Variants in CEP104 observed in about 807,000 individuals in gnomAD.
CEP104 encodes the protein centrosomal protein 104.
A neutral mutation model predicts 113.3 loss-of-function variants in CEP104; 84 were observed. The observed-to-expected ratio is 0.74, with a 90% CI of 0.62 to 0.89. The LOEUF (loss-of-function observed/expected upper bound fraction) is 0.89. Ranked by LOEUF, CEP104 falls within the 40% of genes least tolerant of loss-of-function variation. The pLI, the probability that CEP104 is intolerant of heterozygous loss-of-function variation, is 0.00. For missense variants in CEP104, 1,053 were observed against 1,156.6 expected (o/e 0.91, Z 1.30); for synonymous variants, 378 against 421.7 (o/e 0.90, Z 1.27).
chr1:3,822,287 T>C (rs1328742434), intron 20 of CEP104, among the ~76,000 whole-genome samples: 1 of 152,096 alleles, frequency 6.6e-6, no homozygotes, highest in African/African-American at 2.4e-5. Context: ...GATAACTGGG[T>C]AGACACCAGC....
rs890146163 is a variant in CEP104, at chr1:3,815,263, G to C, written c.*139C>G. Reference sequence around the variant, plus strand: ...GCACGAGAGCTGACGGCACAGACGCGTAAGAGGCGTGCACGGCGGGGAGCT... The same window carrying C: ...GCACGAGAGCTGACGGCACAGACGCCTAAGAGGCGTGCACGGCGGGGAGCT... On this transcript the variant is annotated 3_prime_UTR_variant, in exon 22 of 22. Transcript: ENST00000378230. 1.5e-6 allele frequency: 1 copy of C among 649,824 alleles called. No homozygotes were observed. The highest frequency in any genetic ancestry group is 1.8e-5 in the South Asian group (1 of 55,868). 40.3% of individuals were successfully genotyped at this position (649,824 alleles called of 1,614,324 possible).
intron 1 of CEP104, among the ~76,000 whole-genome samples, chr1:3,856,416 A>C (rs1644730506): frequency 6.6e-6 from 1 of 152,260 alleles, no homozygotes; most frequent in Admixed American, 6.5e-5. Flanking sequence ...CATCTTAGCG[A>C]CTGAAAGGGC....
intron 1 of CEP104, among the ~76,000 whole-genome samples, chr1:3,854,764 C>T (rs927979712): frequency 2.6e-5 from 4 of 151,608 alleles, no homozygotes; most frequent in African/African-American, 9.7e-5. Context: ...CAGGCATAAG[C>T]CACCATGCCA....
At chr1:3,842,105 G>A (rs1048084805) in intron 6 of CEP104, among the ~76,000 whole-genome samples, 6 of 152,154 alleles carry the variant, frequency 3.9e-5, no homozygotes, top group African/African-American at 1.4e-4. Flanking sequence ...TTTATTTTTT[G>A]AGACGGAGTC....
intron 20 of CEP104, among the ~76,000 whole-genome samples, chr1:3,820,134 C>T (rs1643942621): frequency 6.6e-6 from 1 of 152,118 alleles, no homozygotes; most frequent in Admixed American, 6.5e-5. Flanking sequence ...AAGCAGATGA[C>T]ACATGAGATA....
chr1:3,816,669 G>A (rs767190377), intron 20 of CEP104, among the ~76,000 whole-genome samples: 4 of 152,240 alleles, frequency 2.6e-5, no homozygotes, highest in African/African-American at 4.8e-5. Flanking sequence ...ACAGCAGAGC[G>A]TGCACGCAAA....
chr1:3,842,824 G>T (rs1413860952), intron 6 of CEP104, among the ~76,000 whole-genome samples: 1 of 152,060 alleles, frequency 6.6e-6, no homozygotes, highest in Non-Finnish European at 1.5e-5. Flanking sequence ...GTCTTGCTCT[G>T]TCCCCCAGAC....
chr1:3,820,087 T>G (rs1017639782), intron 20 of CEP104, among the ~76,000 whole-genome samples: 9 of 151,874 alleles, frequency 5.9e-5, no homozygotes, highest in African/African-American at 1.9e-4. Context: ...GGGTGTGTGG[T>G]GATGTGTAAG....
At chr1:3,832,401 GGAGTGTAGCGTAGGTCCTGACC>G (rs2124662655) in intron 12 of CEP104, among the ~76,000 whole-genome samples, 2 of 68,060 alleles carry the variant, frequency 2.9e-5, no homozygotes, top group South Asian at 7.7e-4. Context: ...GTCGTGACCA[GGAGTGTAGCGTAGGTCCTGACC>G]AGGAGTGTAG....
intron 13 of CEP104, among the ~76,000 whole-genome samples, chr1:3,830,294 G>A (rs925781144): frequency 6.6e-6 from 1 of 152,028 alleles, no homozygotes; most frequent in Non-Finnish European, 1.5e-5. Flanking sequence ...CCTTGGAGGT[G>A]TGCGCTCCTG....
At position 3,831,204 on chromosome 1, in the gene CEP104, C is replaced by A; in HGVS notation, c.1678G>T (p.Glu560Ter). 6.2e-7 allele frequency: 1 copy of A among 1,613,186 alleles called. No homozygotes were observed. Among genetic ancestry groups the A allele is most frequent in the Non-Finnish European group, 8.5e-7 (1 of 1,179,400 alleles). ...GGAATAATTTGGAGAGACTTAACTTCTTTAAACAAGGCCATTTCCTATGAA... is the reference window on the plus strand; with the variant it reads ...GGAATAATTTGGAGAGACTTAACTTATTTAAACAAGGCCATTTCCTATGAA... ...NFIQEMALFK[E>*]VKSLQIIPSY... Residue 560 changes from glutamate to a stop codon, truncating the protein, a stop_gained, in exon 13 of 22, where the codon GAA becomes TAA. Coordinates refer to ENST00000378230, the MANE Select transcript of CEP104 (RefSeq NM_014704.4). LOFTEE classifies it high-confidence loss of function.
rs142962067 is a variant in CEP104, at chr1:3,852,191, G to A, written c.113+104C>T. On this transcript the variant is annotated intron_variant, in intron 2 of 21. Transcript: ENST00000378230. ...GCTGACATCCTTGGTCCTGATGTCC[G>A]AGTGATAGTAAAATCTGAGGCTCTG... 1,515 of 1,104,756 alleles carry A rather than the reference G, an allele frequency of 1.4e-3. 19 individuals are homozygous for A. In the African/African-American group the frequency reaches 0.022, roughly 16 times the overall value. 68.4% of individuals were successfully genotyped at this position (1,104,756 alleles called of 1,614,324 possible).
Position 3,837,402 on chromosome 1 carries a change from CA to C in CEP104, c.1008del (p.Phe336LeufsTer15). The part of the protein sequence containing the change: ...QLEERGTENQ[F>X]AEPFLQEKPS... ...GGCTTTTCCTGAAGGAAAGGTTCTG[CA>C]AACTGGTTTTCTGTTCCTCTTTCTT... On this transcript the variant is annotated frameshift_variant, in exon 9 of 22. Coordinates refer to ENST00000378230, the MANE Select transcript of CEP104 (RefSeq NM_014704.4). LOFTEE classifies it high-confidence loss of function. 1 of 1,614,178 alleles carries C rather than the reference CA, an allele frequency of 6.2e-7. No homozygotes were observed. Among genetic ancestry groups the C allele is most frequent in the Non-Finnish European group, 8.5e-7 (1 of 1,180,022 alleles).
chr1:3,837,339 C>A lies in CEP104; in HGVS notation c.1072G>T (p.Ala358Ser). Reference protein sequence around the residue: ...YSLTISPQHSAVDPLLPATDP... With the variant: ...YSLTISPQHSSVDPLLPATDP... ...GTGGCAGGGAGTAACGGGTCTACTGCAGAATGCTGAGGAGAAATAGTTAGA... is the reference window on the plus strand; with the variant it reads ...GTGGCAGGGAGTAACGGGTCTACTGAAGAATGCTGAGGAGAAATAGTTAGA... The change falls in exon 9 of 22, where the codon GCA becomes TCA. Residue 358 changes from alanine to serine, a missense_variant. Physicochemically the swap from Ala to Ser is moderately conservative, Grantham distance 99 (BLOSUM62 1). Coordinates refer to ENST00000378230, the MANE Select transcript of CEP104 (RefSeq NM_014704.4). 6.2e-7 allele frequency: 1 copy of A among 1,614,066 alleles called. No homozygotes were observed. The highest frequency in any genetic ancestry group is 8.5e-7 in the Non-Finnish European group (1 of 1,179,952).
At chr1:3,838,830 C>G (rs1644361573) in intron 8 of CEP104, 134 bp downstream of exon 8, 1 of 931,388 alleles carries the variant, frequency 1.1e-6, no homozygotes, top group African/African-American at 1.6e-5. Flanking sequence ...CTGAGGCCAT[C>G]CATAACTGTC....
chr1:3,845,413 A>C, intron 4 of CEP104, 62 bp from the exon 5 acceptor site: 1 of 1,252,762 alleles, frequency 8.0e-7, no homozygotes, highest in Admixed American at 1.9e-5. Context: ...TAACCCTTTT[A>C]TTTACTTATT....
intron 11 of CEP104, among the ~76,000 whole-genome samples, chr1:3,834,522 A>G (rs1018388268): frequency 6.6e-6 from 1 of 152,246 alleles, no homozygotes; most frequent in African/African-American, 2.4e-5. Flanking sequence ...TTAGAAGCCC[A>G]ACTGTGCAAT....
rs574071171 is a variant in CEP104 at position 3,830,106 on chromosome 1, C to T, written c.1837-109G>A. 2.2e-4 allele frequency: 166 copies of T among 767,726 alleles called. 2 individuals are homozygous for T. The South Asian group carries it at 2.4e-3, about 11-fold the overall frequency. The allele number at this position is 767,726 out of a possible 1,614,324, so 47.6% of individuals were successfully genotyped here. A position where few individuals can be genotyped will look rare whatever the true frequency, so the allele number is the denominator to read the frequency against. ...TGTGAAAAATAAAAGAGAAAACATC[C>T]GTATTAAGTATTATGAAATACTTCA... On this transcript the variant is annotated intron_variant, in intron 13 of 21. Transcript: ENST00000378230.
At chr1:3,841,529 AAAATCCTTC>A (rs1188367442) in intron 6 of CEP104, among the ~76,000 whole-genome samples, 1 of 152,200 alleles carries the variant, frequency 6.6e-6, no homozygotes, top group Non-Finnish European at 1.5e-5. Flanking sequence ...TTTGATTATA[AAAATCCTTC>A]AAAGTGAACA....
Sources: gnomAD v4.1 joint callset for allele counts (sites outside exome capture counted in the v4.1 genomes callset) on GRCh38, gnomAD v4.1.1 for gene constraint, MANE v1.5 for transcripts, NCBI Gene and HGNC (gene_info 2026-07-23, HGNC 2026-07-21) for gene names.